NSD2: variants seen among roughly 807,000 people sequenced by gnomAD.
NSD2 encodes the protein nuclear receptor binding SET domain protein 2.
NSD2 carries 12 observed loss-of-function variants against 139.0 expected under a neutral mutation model. The ratio of observed to expected loss-of-function variants is 0.09; its 90% CI spans 0.06 to 0.14. NSD2 has a LOEUF of 0.14. Ranked by LOEUF, NSD2 falls within the 10% of genes least tolerant of loss-of-function variation. The pLI, the probability that NSD2 is intolerant of heterozygous loss-of-function variation, is 1.00. For synonymous variants in NSD2, 669 were observed against 648.7 expected (o/e 1.03, Z -0.48); for missense variants, 1,155 against 1,745.0 (o/e 0.66, Z 6.02).
At chr4:1,888,753 A>G (rs1715309294) in intron 1 of NSD2, among the ~76,000 whole-genome samples, 1 of 151,366 alleles carries the variant, frequency 6.6e-6, no homozygotes, top group African/African-American at 2.4e-5. Context: ...TTTAATAGAG[A>G]TGGGGTTTCA....
intron 18 of NSD2, among the ~76,000 whole-genome samples, chr4:1,970,853 A>G (rs978727305): frequency 2.0e-5 from 3 of 152,236 alleles, no homozygotes; most frequent in Non-Finnish European, 4.4e-5. Flanking sequence ...GGAGTCCCCA[A>G]CAGCAGGAAA....
At chr4:1,966,255 G>A (rs1725871222) in intron 18 of NSD2, among the ~76,000 whole-genome samples, 1 of 152,216 alleles carries the variant, frequency 6.6e-6, no homozygotes, top group African/African-American at 2.4e-5. Flanking sequence ...GTCACTACAA[G>A]TTGTATGAAG....
chr4:1,965,286 C>G (rs1399592155), intron 18 of NSD2, among the ~76,000 whole-genome samples: 1 of 151,782 alleles, frequency 6.6e-6, no homozygotes, highest in African/African-American at 2.4e-5. Context: ...AGATAGAAAA[C>G]CTATAAAGAG....
chr4:1,922,360 C>T (rs761953956), intron 5 of NSD2, among the ~76,000 whole-genome samples: 8 of 152,054 alleles, frequency 5.3e-5, no homozygotes, highest in East Asian at 3.8e-4. Flanking sequence ...TCAGGTACTG[C>T]GGAATCAATA....
At position 1,900,667 on chromosome 4, in the gene NSD2, A is replaced by G; in HGVS notation, c.13A>G (p.Ile5Val). Residue 5 changes from isoleucine (I) to valine (V), a missense_variant, in exon 2 of 22, where the codon ATC (isoleucine) becomes GTC (valine). Transcript: ENST00000508803. The part of the protein sequence containing the change: MEFS[I>V]KQSPLSVQSV... ...GCATCTGGGCTGGATGGAATTTAGC[A>G]TCAAGCAGAGTCCCCTTTCTGTTCA... 1 of 1,585,754 alleles carries G rather than the reference A, an allele frequency of 6.3e-7. No homozygotes were observed. Among genetic ancestry groups the G allele is most frequent in the Non-Finnish European group, 8.6e-7 (1 of 1,164,204 alleles).
At chr4:1,941,283 T>C (rs920790676) in intron 9 of NSD2, 4 of 1,056,930 alleles carry the variant, frequency 3.8e-6, no homozygotes, top group South Asian at 4.6e-5. Flanking sequence ...TTTTCTGTTA[T>C]CATAATTTTG....
chr4:1,892,611 G>A (rs563296619), intron 1 of NSD2, among the ~76,000 whole-genome samples: 7 of 152,094 alleles, frequency 4.6e-5, no homozygotes, highest in Admixed American at 3.9e-4. Flanking sequence ...TGTCGCCCAG[G>A]CTGGAGTGTA....
intron 5 of NSD2, among the ~76,000 whole-genome samples, chr4:1,923,724 A>G (rs1407793460): frequency 1.3e-5 from 2 of 152,176 alleles, no homozygotes; most frequent in African/African-American, 4.8e-5. Flanking sequence ...TATTTACCCT[A>G]GAGTAATTTT....
intron 5 of NSD2, among the ~76,000 whole-genome samples, chr4:1,919,636 C>T (rs2108809503): frequency 6.6e-6 from 1 of 151,870 alleles, no homozygotes; most frequent in African/African-American, 2.4e-5. Flanking sequence ...TTAAAGGTAT[C>T]AAAAACAATA....
intron 18 of NSD2, among the ~76,000 whole-genome samples, chr4:1,967,674 G>A (rs1726029525): frequency 6.6e-6 from 1 of 152,194 alleles, no homozygotes; most frequent in East Asian, 1.9e-4. Context: ...TTCAGCCTAG[G>A]TCTGCTTTCT....
At chr4:1,924,936 T>C (rs544834119) in intron 5 of NSD2, among the ~76,000 whole-genome samples, 6 of 152,160 alleles carry the variant, frequency 3.9e-5, no homozygotes. Context: ...AAGCAAAAAC[T>C]ACAAAAAATT....
At chr4:1,944,888 A>C (rs1023305004) in intron 9 of NSD2, 44 of 1,063,100 alleles carry the variant, frequency 4.1e-5, no homozygotes, top group Non-Finnish European at 4.9e-5. Context: ...TATATATTTT[A>C]TCTCTTATAC....
Position 1,974,828 on chromosome 4 carries a change from T to C in NSD2, c.3373-35T>C, listed in dbSNP as rs745928619. 5.0e-6 allele frequency: 8 copies of C among 1,611,944 alleles called. No homozygotes were observed. The highest frequency in any genetic ancestry group is 6.8e-6 in the Non-Finnish European group (8 of 1,178,180). ...CCCTTTAAAAATAACATGCGATTGCTAACACTTGACCGAATATATCACTTG... is the reference window on the plus strand; with the variant it reads ...CCCTTTAAAAATAACATGCGATTGCCAACACTTGACCGAATATATCACTTG... On this transcript the variant is annotated intron_variant, in intron 18 of 21. Transcript: ENST00000508803. This position sits in a 1 kb window ranked among gnomAD's most constrained non-coding sequence, Gnocchi z 4.0.
At chr4:1,970,953 TGGAAAGA>T (rs1347014321) in intron 18 of NSD2, among the ~76,000 whole-genome samples, 1 of 152,202 alleles carries the variant, frequency 6.6e-6, no homozygotes, top group African/African-American at 2.4e-5. Flanking sequence ...CCAGCATATC[TGGAAAGA>T]GGAAAATGGG....
intron 6 of NSD2, among the ~76,000 whole-genome samples, chr4:1,933,613 C>T (rs1721947969): frequency 6.6e-6 from 1 of 151,934 alleles, no homozygotes; most frequent in South Asian, 2.1e-4. Context: ...CCAGGATGGT[C>T]TCGATCTCCT....
chr4:1,979,525 G>T lies in NSD2; in HGVS notation c.*616G>T, dbSNP rs1727538298. Reference sequence around the variant, plus strand: ...TGGCCCTGCAGGTGGTGGCAGCAATGGTGTTGTAAGATTTCCTCCCGTAGT... The same window carrying T: ...TGGCCCTGCAGGTGGTGGCAGCAATTGTGTTGTAAGATTTCCTCCCGTAGT... On this transcript the variant is annotated 3_prime_UTR_variant, in exon 22 of 22. Transcript: ENST00000508803. 1 of 233,072 alleles carries T rather than the reference G, an allele frequency of 4.3e-6. No homozygotes were observed. Among genetic ancestry groups the T allele is most frequent in the African/African-American group, 2.2e-5 (1 of 45,426 alleles). The allele number at this position is 233,072 out of a possible 1,614,324, so 14.4% of individuals were successfully genotyped here. A position where few individuals can be genotyped will look rare whatever the true frequency, so the allele number is the denominator to read the frequency against.
At chr4:1,940,234 G>A (rs1722950659) in intron 9 of NSD2, 2 of 1,076,152 alleles carry the variant, frequency 1.9e-6, no homozygotes, top group African/African-American at 1.6e-5. Context: ...GGCTCATGGA[G>A]GAAGCCAAAG....
chr4:1,915,839 G>A (rs924496116), intron 3 of NSD2, among the ~76,000 whole-genome samples: 2 of 152,146 alleles, frequency 1.3e-5, no homozygotes, highest in African/African-American at 2.4e-5. Context: ...CTGCATGAGG[G>A]GACAGGGAGT....
Position 1,942,725 on chromosome 4 carries a change from C to T in NSD2, c.1881+2947C>T. On this transcript the variant is annotated intron_variant, in intron 9 of 21. Coordinates refer to ENST00000508803, the MANE Select transcript of NSD2 (RefSeq NM_001042424.3). This position sits in a 1 kb window ranked among gnomAD's most constrained non-coding sequence, Gnocchi z 4.0. ...AGGGCTTTGCACGGAAGGGGTGGCCCTGTTAGAGTTGCTTCTCCTCTAGTT... is the reference window on the plus strand; with the variant it reads ...AGGGCTTTGCACGGAAGGGGTGGCCTTGTTAGAGTTGCTTCTCCTCTAGTT... 3 of 1,092,002 alleles carry T rather than the reference C, an allele frequency of 2.7e-6. No homozygotes were observed. Among genetic ancestry groups the T allele is most frequent in the East Asian group, 4.7e-5 (1 of 21,292 alleles). The allele number at this position is 1,092,002 out of a possible 1,614,324, so 67.6% of individuals were successfully genotyped here. A position where few individuals can be genotyped will look rare whatever the true frequency, so the allele number is the denominator to read the frequency against.
Sources: allele counts gnomAD v4.1 joint callset (sites outside exome capture counted in the v4.1 genomes callset), GRCh38; gene constraint gnomAD v4.1.1; non-coding constraint Gnocchi (gnomAD v3.1); transcripts MANE v1.5; gene names NCBI Gene and HGNC (gene_info 2026-07-23, HGNC 2026-07-21).